The following PCBP3 variants were observed in gnomAD, a reference collection of about 807,000 sequenced individuals.
The protein encoded by PCBP3 is poly(rC) binding protein 3, also known as poly(rC)-binding protein 3.
Under a neutral mutation model 52.7 loss-of-function variants are expected in PCBP3, and 25 were observed. The ratio of observed to expected loss-of-function variants is 0.47; its 90% CI spans 0.35 to 0.66. The LOEUF (loss-of-function observed/expected upper bound fraction) is 0.66, where lower values mean the gene tolerates loss of function less well. PCBP3 is among the 30% of genes least tolerant of loss of function. The pLI, the probability that PCBP3 is intolerant of heterozygous loss-of-function variation, is 0.01. For synonymous variants in PCBP3, 162 were observed against 183.0 expected (o/e 0.89, Z 0.93); for missense variants, 391 against 490.3 (o/e 0.80, Z 1.91).
At chr21:45,776,094 C>T (rs909485717) in intron 4 of PCBP3, among the ~76,000 whole-genome samples, 1 of 152,064 alleles carries the variant, frequency 6.6e-6, no homozygotes, top group African/African-American at 2.4e-5. Context: ...GACCCAGGAA[C>T]ATACTGAATT....
chr21:45,868,411 CTTTTT>C (rs1232045625), intron 5 of PCBP3, among the ~76,000 whole-genome samples: 5 of 113,680 alleles, frequency 4.4e-5, no homozygotes, highest in Non-Finnish European at 8.9e-5. Flanking sequence ...CTTATTTGTT[CTTTTT>C]TTTTTTTTTT....
chr21:45,854,024 G>A (rs756489984), intron 5 of PCBP3: 2 of 152,012 alleles, frequency 1.3e-5, no homozygotes, highest in Admixed American at 6.6e-5. Flanking sequence ...AGTGGGGCGG[G>A]GGGGACAAAA....
intron 4 of PCBP3, among the ~76,000 whole-genome samples, chr21:45,756,645 T>C (rs1015832759): frequency 6.6e-6 from 1 of 152,204 alleles, no homozygotes; most frequent in Non-Finnish European, 1.5e-5. Flanking sequence ...CCATTATCAC[T>C]ATCACCACCC....
Position 45,900,036 on chromosome 21 carries a change from A to G in PCBP3, c.189+414A>G, listed in dbSNP as rs542875027. Among the ~76,000 whole-genome samples, 15 of 152,248 alleles carry G rather than the reference A, an allele frequency of 9.9e-5. No homozygotes were observed. The South Asian group carries it at 2.3e-3, about 23-fold the overall frequency. ...TCCAAATCAGGGCTGGCCCGGGGGA[A>G]GTAAGGCCCAGTTTGGAAGCCTGCT... On this transcript the variant is annotated intron_variant, in intron 7 of 17. Transcript: ENST00000681687.
intron 4 of PCBP3, among the ~76,000 whole-genome samples, chr21:45,780,553 T>C (rs1407859547): frequency 1.3e-5 from 2 of 152,234 alleles, no homozygotes; most frequent in African/African-American, 4.8e-5. Context: ...CTTGTCTGAC[T>C]GTGTCTAGTT....
chr21:45,831,326 T>C (rs1473513666), intron 4 of PCBP3: 1 of 151,494 alleles, frequency 6.6e-6, no homozygotes, highest in Non-Finnish European at 1.5e-5. Context: ...GGAGGATCGC[T>C]TGAGCCCAGG....
At chr21:45,730,863 G>GTTA (rs1301936224) in intron 2 of PCBP3, among the ~76,000 whole-genome samples, 2 of 151,754 alleles carry the variant, frequency 1.3e-5, no homozygotes, top group African/African-American at 2.4e-5. Flanking sequence ...TTTTATTAGA[G>GTTA]TTAACATGTC....
At chr21:45,793,150 T>G (rs1282812798) in intron 4 of PCBP3, among the ~76,000 whole-genome samples, 1 of 152,092 alleles carries the variant, frequency 6.6e-6, no homozygotes, top group Admixed American at 6.5e-5. Context: ...GGGGCCGCCT[T>G]CCGGACGGAG....
At chr21:45,939,684 C>A (rs1205513195) in intron 16 of PCBP3, among the ~76,000 whole-genome samples, 4 of 152,248 alleles carry the variant, frequency 2.6e-5, no homozygotes, top group African/African-American at 9.6e-5. Flanking sequence ...CTGGCTGCCA[C>A]CTGTGGGTCG....
chr21:45,807,205 A>G (rs576286049), intron 4 of PCBP3, among the ~76,000 whole-genome samples: 1 of 152,336 alleles, frequency 6.6e-6, no homozygotes, highest in South Asian at 2.1e-4. Flanking sequence ...AGGCAAGAGA[A>G]GGAAATAAAG....
intron 9 of PCBP3, among the ~76,000 whole-genome samples, chr21:45,905,606 G>C (rs911328808): frequency 1.3e-5 from 2 of 152,222 alleles, no homozygotes; most frequent in East Asian, 1.9e-4. Context: ...GGAAGTCTCA[G>C]ATGGAGGTGC....
In PCBP3 at chr21:45,898,635, C is replaced by T. The variant is rs1320049322; in HGVS notation, c.166-964C>T. Among the ~76,000 whole-genome samples the T allele has an allele frequency of 1.5e-4, 15 of 99,774 alleles. 1 individual carries two copies. The highest frequency in any genetic ancestry group is 4.8e-4 in the South Asian group (1 of 2,064). 65.5% of individuals were successfully genotyped at this position (99,774 alleles called of 152,430 possible). On this transcript the variant is annotated intron_variant, in intron 6 of 17. Transcript: ENST00000681687. ...CACCGTCCTCACGGCCTCCCTCTCC[C>T]TCCACGGGCCCCTCTGCACACCGTC... is the stretch of plus-strand genomic sequence containing the variant.
intron 2 of PCBP3, among the ~76,000 whole-genome samples, chr21:45,707,067 G>A (rs113115116): frequency 7.9e-5 from 12 of 152,228 alleles, no homozygotes; most frequent in Non-Finnish European, 1.0e-4. Context: ...GAGTGTGCAC[G>A]TACATTATTG....
In PCBP3 at chr21:45,919,851, G is replaced by A. The variant is rs571516868; in HGVS notation, c.717+2222G>A. ...TGTGTGTGTGTGCGCGCGCGCGTGC[G>A]CGTCCCCGTGCATGTGTGTGGCAGG... On this transcript the variant is annotated intron_variant, in intron 13 of 17. Coordinates refer to ENST00000681687, the MANE Select transcript of PCBP3 (RefSeq NM_001384156.1). 1.7e-4 allele frequency among the ~76,000 whole-genome samples: 26 copies of A among 151,018 alleles called. No individual in the cohort carries two copies. The South Asian group carries it at 2.7e-3, about 16-fold the overall frequency.
At chr21:45,842,601 C>T (rs756587652) in intron 4 of PCBP3, among the ~76,000 whole-genome samples, 4 of 152,142 alleles carry the variant, frequency 2.6e-5, no homozygotes, top group Non-Finnish European at 5.9e-5. Flanking sequence ...TTTGGCACGA[C>T]ACATAATTTT....
At chr21:45,756,118 A>G (rs1345346324) in intron 4 of PCBP3, among the ~76,000 whole-genome samples, 1 of 152,228 alleles carries the variant, frequency 6.6e-6, no homozygotes, top group Non-Finnish European at 1.5e-5. Context: ...CTTTAAGAAT[A>G]TATAGTGCAA....
intron 5 of PCBP3, among the ~76,000 whole-genome samples, chr21:45,892,531 G>T (rs1363980223): frequency 2.6e-5 from 3 of 114,144 alleles, no homozygotes; most frequent in East Asian, 4.7e-4. Context: ...TCTCTCGCGG[G>T]GCTTCATGTA....
intron 5 of PCBP3, among the ~76,000 whole-genome samples, chr21:45,885,568 G>A (rs2095498723): frequency 1.3e-5 from 2 of 152,156 alleles, no homozygotes; most frequent in African/African-American, 4.8e-5. Flanking sequence ...GGCCCCATCT[G>A]TGTGTCTTCG....
chr21:45,920,252 T>C (rs1235886779), intron 13 of PCBP3, among the ~76,000 whole-genome samples: 1 of 152,202 alleles, frequency 6.6e-6, no homozygotes, highest in Non-Finnish European at 1.5e-5. Context: ...ACGTTCTCAC[T>C]GTGGCCTTTG....
Sources: allele counts gnomAD v4.1 joint callset (sites outside exome capture counted in the v4.1 genomes callset), GRCh38; gene constraint gnomAD v4.1.1; transcripts MANE v1.5; gene names NCBI Gene and HGNC (gene_info 2026-07-23, HGNC 2026-07-21).